The following ATP1A4 variants were observed in gnomAD, a reference collection of about 807,000 sequenced individuals.
ATP1A4 encodes the protein sodium/potassium-transporting ATPase subunit alpha-4.
A neutral mutation model predicts 114.3 loss-of-function variants in ATP1A4; 90 were observed. The observed-to-expected ratio is 0.79, with a 90% CI of 0.66 to 0.94. ATP1A4 has a LOEUF of 0.94. ATP1A4 is among the 40% of genes least tolerant of loss of function. The pLI is 0.00. For missense variants in ATP1A4, 1,222 were observed against 1,313.6 expected, an observed-to-expected ratio of 0.93 and a Z score of 1.08; for synonymous variants, 511 against 494.1, an observed-to-expected ratio of 1.03 and a Z score of -0.45.
At chr1:160,186,478 T>G in intron 21 of ATP1A4, 111 bp downstream of exon 21, 2 of 1,086,950 alleles carry the variant, frequency 1.8e-6, no homozygotes, top group Non-Finnish European at 2.8e-6. Context: ...CCCTCCTCGC[T>G]GCCAGCCTTG....
At chr1:160,155,315 C>T in intron 3 of ATP1A4, 67 bp downstream of exon 3, 10 of 1,343,098 alleles carry the variant, frequency 7.4e-6, no homozygotes, top group Non-Finnish European at 9.4e-6. Context: ...TTTTGCTCAG[C>T]AGCCTAGCAC....
At chr1:160,168,935 G>T (rs913612814) in intron 10 of ATP1A4, among the ~76,000 whole-genome samples, 1 of 152,162 alleles carries the variant, frequency 6.6e-6, no homozygotes, top group Non-Finnish European at 1.5e-5. Flanking sequence ...GAAAGAATTA[G>T]GTACCTCTCC....
intron 18 of ATP1A4, 129 bp from the exon 19 acceptor site, chr1:160,181,555 C>CA (rs36029758): frequency 0.029 from 23,832 of 814,508 alleles, no homozygotes; most frequent in Non-Finnish European, 0.032. Flanking sequence ...GACTTAGTCT[C>CA]AAAAAAAAAA....
At chr1:160,178,588 T>C (rs890210361) in intron 18 of ATP1A4, among the ~76,000 whole-genome samples, 1 of 151,810 alleles carries the variant, frequency 6.6e-6, no homozygotes, top group South Asian at 2.1e-4. Context: ...GGCAGGAGAA[T>C]CACTTGATCC....
chr1:160,166,671 C>T lies in ATP1A4; in HGVS notation c.1191C>T (p.Ala397=). ...TCACCCAGAACCGCATGACCGTCGC[C>T]CACATGTGGTTTGATATGACCGTGT... The part of the protein sequence containing the change: ...GTLTQNRMTV[A]HMWFDMTVYE... The change falls in exon 8 of 22, where the codon GCC becomes GCT. Residue 397 remains alanine (A), a synonymous_variant. Transcript: ENST00000368081. 1 of 1,614,182 alleles carries T rather than the reference C, an allele frequency of 6.2e-7. No homozygotes were observed. The highest frequency in any genetic ancestry group is 8.5e-7 in the Non-Finnish European group (1 of 1,180,038).
chr1:160,166,928 C>A (rs756602560), intron 8 of ATP1A4, 40 bp from the exon 9 acceptor site: 1 of 1,599,052 alleles, frequency 6.3e-7, no homozygotes, highest in Admixed American at 1.7e-5. Context: ...GCTTAAAATT[C>A]TCATTCCCTG....
chr1:160,186,585 C>G, intron 21 of ATP1A4, 86 bp from the exon 22 acceptor site: 1 of 1,495,526 alleles, frequency 6.7e-7, no homozygotes, highest in Non-Finnish European at 9.2e-7. Context: ...CACCTCCAAC[C>G]TTGTCCCTGC....
chr1:160,173,497 G>T, intron 12 of ATP1A4, 84 bp from the exon 13 acceptor site: 1 of 1,545,750 alleles, frequency 6.5e-7, no homozygotes, highest in Non-Finnish European at 8.8e-7. Flanking sequence ...AAAAGCAGTG[G>T]TCTGTCAGTT....
At chr1:160,159,730 T>G (rs559590283) in intron 6 of ATP1A4, among the ~76,000 whole-genome samples, 2 of 152,238 alleles carry the variant, frequency 1.3e-5, no homozygotes, top group Non-Finnish European at 2.9e-5. Flanking sequence ...GTCGTTACTC[T>G]GTAGATTTTC....
At chr1:160,153,035 AG>A (rs1024792757) in intron 1 of ATP1A4, 129 bp from the exon 2 acceptor site, 344 of 709,776 alleles carry the variant, frequency 4.8e-4, no homozygotes, top group South Asian at 6.8e-4. Context: ...TCTCAAAAAA[AG>A]AATTGCAGGG....
Position 160,171,285 on chromosome 1 carries a change from C to T in ATP1A4, c.1526C>T (p.Thr509Ile). 1 of 1,613,942 alleles carries T rather than the reference C, an allele frequency of 6.2e-7. No homozygotes were observed. The highest frequency in any genetic ancestry group is 8.5e-7 in the Non-Finnish European group (1 of 1,179,912). Residue 509 changes from threonine to isoleucine, a missense_variant, in exon 11 of 22, where the codon ACC becomes ATC. Coordinates refer to ENST00000368081, the MANE Select transcript of ATP1A4 (RefSeq NM_144699.4). ...SIHLREDSSQTHVLMMKGAPE... is the reference protein window; with the variant it reads ...SIHLREDSSQIHVLMMKGAPE... ...CACCTTCGGGAGGACAGCTCCCAGA[C>T]CCACGTACTGATGATGAAGGGTGCT... is the stretch of plus-strand genomic sequence containing the variant.
rs1402769113 is a variant in ATP1A4, at chr1:160,171,621, A to G, written c.1718A>G (p.Lys573Arg). The change falls in exon 12 of 22, where the codon AAG (lysine) becomes AGG (arginine). Residue 573 changes from lysine to arginine, a missense_variant. Physicochemically the swap from Lys to Arg is conservative, Grantham distance 26. Transcript: ENST00000368081. ...CFLNLPSSFSKGFPFNTDEIN... is the reference protein window; with the variant it reads ...CFLNLPSSFSRGFPFNTDEIN... ...TTGAATCTGCCTAGCAGCTTCTCCAAGGGATTCCCATTTAATACAGATGAA... is the reference window on the plus strand; with the variant it reads ...TTGAATCTGCCTAGCAGCTTCTCCAGGGGATTCCCATTTAATACAGATGAA... 7 of 1,614,110 alleles carry G rather than the reference A, an allele frequency of 4.3e-6. No homozygotes were observed. The highest frequency in any genetic ancestry group is 5.9e-6 in the Non-Finnish European group (7 of 1,180,012).
chr1:160,179,714 G>A (rs1368848351), intron 18 of ATP1A4, among the ~76,000 whole-genome samples: 1 of 152,188 alleles, frequency 6.6e-6, no homozygotes, highest in Non-Finnish European at 1.5e-5. Flanking sequence ...ACCAGGTACT[G>A]TTCTAGGGCC....
intron 20 of ATP1A4, 61 bp from the exon 21 acceptor site, chr1:160,186,214 TC>T: frequency 8.7e-7 from 1 of 1,147,854 alleles, no homozygotes; most frequent in Non-Finnish European, 1.3e-6. Flanking sequence ...TGCATTGCCC[TC>T]TGCACCTGTC....
chr1:160,151,743 C>T lies in ATP1A4; in HGVS notation c.-298C>T. The T allele has an allele frequency of 3.4e-6, 1 of 296,878 alleles. No individual in the cohort carries two copies. The highest frequency in any genetic ancestry group is 6.3e-6 in the Non-Finnish European group (1 of 157,756). 18.4% of individuals were successfully genotyped at this position (296,878 alleles called of 1,614,324 possible). A position where few individuals can be genotyped will look rare whatever the true frequency, so the allele number is the denominator to read the frequency against. ...CCCTCACTGCATTCCCTCACCTCTA[C>T]CTTTTTATCCTTCCACCCTAGGCTT... is the stretch of plus-strand genomic sequence containing the variant. On this transcript the variant is annotated 5_prime_UTR_variant, in exon 1 of 22. Transcript: ENST00000368081.
intron 18 of ATP1A4, among the ~76,000 whole-genome samples, chr1:160,179,621 C>T (rs976605822): frequency 5.9e-5 from 9 of 152,206 alleles, no homozygotes; most frequent in African/African-American, 2.2e-4. Flanking sequence ...TCGCTCCTTA[C>T]TTTCTAAATA....
At chr1:160,168,249 G>A (rs931387126) in intron 10 of ATP1A4, among the ~76,000 whole-genome samples, 6 of 152,108 alleles carry the variant, frequency 3.9e-5, no homozygotes, top group Non-Finnish European at 7.4e-5. Flanking sequence ...TGAGTTCCAC[G>A]GGGCAATCAT....
intron 6 of ATP1A4, among the ~76,000 whole-genome samples, chr1:160,161,830 C>T (rs1652873750): frequency 6.6e-6 from 1 of 152,196 alleles, no homozygotes; most frequent in Admixed American, 6.5e-5. Context: ...ACCCTGCTCT[C>T]AGACTCATAC....
At chr1:160,182,721 G>A (rs1331713232) in intron 20 of ATP1A4, 1 of 152,628 alleles carries the variant, frequency 6.6e-6, no homozygotes, top group Admixed American at 6.5e-5. Context: ...GCCCAGGCTG[G>A]AGTGAAATGG....
Sources: allele counts gnomAD v4.1 joint callset (sites outside exome capture counted in the v4.1 genomes callset), GRCh38; gene constraint gnomAD v4.1.1; transcripts MANE v1.5; gene names NCBI Gene and HGNC (gene_info 2026-07-23, HGNC 2026-07-21).